The following SHOC1 variants were observed in gnomAD, a reference collection of about 807,000 sequenced individuals.
The protein encoded by SHOC1 is protein shortage in chiasmata 1 ortholog.
SHOC1 carries 136 observed loss-of-function variants against 179.2 expected under a neutral mutation model. That is an observed-to-expected ratio of 0.76 (90% confidence interval 0.66 to 0.87). The LOEUF (loss-of-function observed/expected upper bound fraction) is 0.87. Ranked by LOEUF, SHOC1 falls within the 40% of genes least tolerant of loss-of-function variation. SHOC1 has a pLI of 0.00. For missense variants in SHOC1, 1,538 were observed against 1,700.8 expected (o/e 0.90, Z 1.68); for synonymous variants, 489 against 586.6 (o/e 0.83, Z 2.41).
rs534884242 is a variant in SHOC1, at chr9:111,741,992, A to G, written c.1080-422T>C. On this transcript the variant is annotated intron_variant, in intron 10 of 27. Coordinates refer to ENST00000682961, the MANE Select transcript of SHOC1 (RefSeq NM_001378211.1). ...TTTTACACTCAAAATCAAGTGAAAA[A>G]TTGACTTTATAAATGTGTAAACTGC... Among the ~76,000 whole-genome samples, 130 of 152,298 alleles carry G rather than the reference A, an allele frequency of 8.5e-4. 4 individuals are homozygous for G. The South Asian group carries it at 0.026, about 31-fold the overall frequency.
intron 14 of SHOC1, among the ~76,000 whole-genome samples, chr9:111,723,010 G>C (rs1323347790): frequency 5.3e-5 from 8 of 151,990 alleles, no homozygotes; most frequent in South Asian, 2.1e-4. Flanking sequence ...TCGATCTCTT[G>C]ACCTCATGAT....
intron 5 of SHOC1, among the ~76,000 whole-genome samples, chr9:111,759,964 G>A (rs1835066229): frequency 6.6e-6 from 1 of 152,128 alleles, no homozygotes; most frequent in Non-Finnish European, 1.5e-5. Context: ...CACACCAAAG[G>A]AAGTTAGTCA....
At chr9:111,768,893 C>A (rs771453205) in intron 5 of SHOC1, among the ~76,000 whole-genome samples, 7 of 152,012 alleles carry the variant, frequency 4.6e-5, no homozygotes, top group Non-Finnish European at 7.4e-5. Flanking sequence ...AGTTAACTAT[C>A]ATATATGGCC....
intron 8 of SHOC1, among the ~76,000 whole-genome samples, chr9:111,754,875 A>G (rs772112006): frequency 2.0e-5 from 3 of 152,196 alleles, no homozygotes; most frequent in Non-Finnish European, 4.4e-5. Context: ...TTCCTTTTTT[A>G]TTGAATGTTC....
intron 8 of SHOC1, among the ~76,000 whole-genome samples, chr9:111,754,946 T>C (rs189056945): frequency 7.7e-4 from 118 of 152,368 alleles, no homozygotes; most frequent in Non-Finnish European, 1.6e-3. Flanking sequence ...GGAAGGATGT[T>C]ATGGCTTGAG....
intron 5 of SHOC1, among the ~76,000 whole-genome samples, chr9:111,772,917 G>C (rs1442395041): frequency 6.6e-6 from 1 of 152,164 alleles, no homozygotes; most frequent in African/African-American, 2.4e-5. Flanking sequence ...CAAGATGGAG[G>C]GAAAGCTAGT....
intron 1 of SHOC1, among the ~76,000 whole-genome samples, chr9:111,794,267 A>G (rs1836546983): frequency 8.0e-6 from 1 of 125,218 alleles, no homozygotes; most frequent in Admixed American, 8.5e-5. Context: ...TCCCTCGCAT[A>G]AAAACCCACT....
chr9:111,782,537 C>G (rs1436996099), intron 3 of SHOC1, among the ~76,000 whole-genome samples: 1 of 152,110 alleles, frequency 6.6e-6, no homozygotes, highest in Non-Finnish European at 1.5e-5. Context: ...CCCTACTCTA[C>G]ACTTTCTGTG....
intron 5 of SHOC1, chr9:111,759,597 G>T: frequency 9.5e-7 from 1 of 1,047,482 alleles, no homozygotes; most frequent in Non-Finnish European, 1.1e-6. Context: ...TCTTCAATAA[G>T]TTTTTGAGTA....
At chr9:111,770,659 T>C (rs760493962) in intron 5 of SHOC1, among the ~76,000 whole-genome samples, 9 of 152,168 alleles carry the variant, frequency 5.9e-5, no homozygotes, top group Non-Finnish European at 1.3e-4. Flanking sequence ...TATTATTATA[T>C]TGCAGTCTAC....
chr9:111,703,825 T>C (rs1411986056), intron 22 of SHOC1, 56 bp downstream of exon 22: 3 of 824,166 alleles, frequency 3.6e-6, no homozygotes, highest in Middle Eastern at 2.7e-4. Flanking sequence ...AATAACAAAT[T>C]ACATAGCCAT....
intron 10 of SHOC1, among the ~76,000 whole-genome samples, chr9:111,744,555 A>C (rs77249471): frequency 0.012 from 1,755 of 152,322 alleles, 21 homozygotes; most frequent in Non-Finnish European, 0.017. Flanking sequence ...GGTCCCAGTA[A>C]TCCAAATAGC....
Position 111,728,040 on chromosome 9 carries a change from T to A in SHOC1, c.1427A>T (p.Glu476Val). 6.4e-7 allele frequency: 1 copy of A among 1,574,134 alleles called. No homozygotes were observed. Among genetic ancestry groups the A allele is most frequent in the East Asian group, 2.3e-5 (1 of 44,360 alleles). The change falls in exon 13 of 28, where the codon GAA becomes GTA. Residue 476 changes from glutamate (E) to valine (V), a missense_variant. Physicochemically the swap from Glu to Val is moderately radical, Grantham distance 121. Transcript: ENST00000682961. Reference sequence around the variant, plus strand: ...AATAGGTGAAGAATGACTTTTATGTTCTAGACATGCTGAAAACAGAAAATA... The same window carrying A: ...AATAGGTGAAGAATGACTTTTATGTACTAGACATGCTGAAAACAGAAAATA... ...TKVLQLESCL[E>V]HKSHSSPIAL...
At chr9:111,730,264 C>T (rs1357034539) in intron 12 of SHOC1, among the ~76,000 whole-genome samples, 1 of 152,154 alleles carries the variant, frequency 6.6e-6, no homozygotes, top group East Asian at 1.9e-4. Context: ...ATTTTGGCCT[C>T]CTCCCAAGAA....
chr9:111,741,419 C>T (rs1159664400), intron 11 of SHOC1, 57 bp downstream of exon 11: 33 of 965,384 alleles, frequency 3.4e-5, no homozygotes, highest in Middle Eastern at 4.4e-4. Context: ...CATTTCTACT[C>T]GTTGTACCTT....
In SHOC1 at chr9:111,713,050, A is replaced by G. The variant is rs368349194; in HGVS notation, c.2488+50T>C. 3.5e-6 allele frequency: 4 copies of G among 1,143,426 alleles called. No homozygotes were observed. In the East Asian group the frequency reaches 7.3e-5, roughly 21 times the overall value. The allele number at this position is 1,143,426 out of a possible 1,614,324, so 70.8% of individuals were successfully genotyped here. A position where few individuals can be genotyped will look rare whatever the true frequency, so the allele number is the denominator to read the frequency against. On this transcript the variant is annotated intron_variant, in intron 18 of 27. Transcript: ENST00000682961. Reference sequence around the variant, plus strand: ...AAGCTGGTTAGATCAATACACTTTTATAAGTTCAAGCATTTGTTATCAAAT... The same window carrying G: ...AAGCTGGTTAGATCAATACACTTTTGTAAGTTCAAGCATTTGTTATCAAAT...
chr9:111,787,270 A>G (rs189948247), intron 2 of SHOC1, among the ~76,000 whole-genome samples: 103 of 152,362 alleles, frequency 6.8e-4, no homozygotes, highest in African/African-American at 2.4e-3. Context: ...GTAAGGATAT[A>G]GCTGCCATAG....
intron 11 of SHOC1, 101 bp from the exon 12 acceptor site, chr9:111,738,623 ATTTT>A: frequency 4.8e-6 from 5 of 1,046,990 alleles, no homozygotes; most frequent in African/African-American, 1.7e-5. Flanking sequence ...TATGAAATGC[ATTTT>A]TATGCATTAG....
intron 5 of SHOC1, among the ~76,000 whole-genome samples, chr9:111,775,287 C>T (rs955013870): frequency 6.6e-5 from 10 of 151,980 alleles, no homozygotes; most frequent in African/African-American, 1.9e-4. Flanking sequence ...AGTAAGCCAC[C>T]GTGCCCGGCC....
Sources: gnomAD v4.1 joint callset for allele counts (sites outside exome capture counted in the v4.1 genomes callset) on GRCh38, gnomAD v4.1.1 for gene constraint, MANE v1.5 for transcripts, NCBI Gene and HGNC (gene_info 2026-07-23, HGNC 2026-07-21) for gene names.